The following RBM28 variants were observed in gnomAD, a reference collection of about 807,000 sequenced individuals.
RBM28 encodes the protein RNA-binding protein 28.
Under a neutral mutation model 98.3 loss-of-function variants are expected in RBM28, and 78 were observed. The observed-to-expected ratio is 0.79, with a 90% CI of 0.66 to 0.96. RBM28 has a LOEUF of 0.96. RBM28 is among the 40% of genes least tolerant of loss of function. The pLI is 0.00. For synonymous variants in RBM28, 306 were observed against 330.9 expected, an observed-to-expected ratio of 0.92 and a Z score of 0.82; for missense variants, 838 against 913.0, an observed-to-expected ratio of 0.92 and a Z score of 1.06.
At chr7:128,339,150 G>C in intron 3 of RBM28, 77 bp downstream of exon 3, 1 of 1,244,370 alleles carries the variant, frequency 8.0e-7, no homozygotes, top group Non-Finnish European at 1.2e-6. Flanking sequence ...CCATCTTGGT[G>C]AGGAGTTCTA....
chr7:128,318,886 G>T (rs771174585), intron 14 of RBM28, among the ~76,000 whole-genome samples: 7 of 152,174 alleles, frequency 4.6e-5, no homozygotes, highest in Non-Finnish European at 7.3e-5. Context: ...AAGGAGGAAG[G>T]CCTGATGGCT....
chr7:128,315,153 G>A, intron 16 of RBM28, 133 bp from the exon 17 acceptor site: 1 of 1,347,838 alleles, frequency 7.4e-7, no homozygotes, highest in East Asian at 2.3e-5. Flanking sequence ...GGAGACTAGA[G>A]GAAAGTGAAT....
At chr7:128,343,131 TACA>T (rs1222899619) in intron 1 of RBM28, among the ~76,000 whole-genome samples, 3 of 152,204 alleles carry the variant, frequency 2.0e-5, no homozygotes, top group Non-Finnish European at 4.4e-5. Context: ...CCCCAGGACC[TACA>T]ACACTTCCTG....
chr7:128,343,801 G>C lies in RBM28; in HGVS notation c.-8C>G. Reference sequence around the variant, plus strand: ...TAAGGTCAGGCCGGCCATGAGACCGGGAAACCCAAAGCGCGTGAGGACGCG... The same window carrying C: ...TAAGGTCAGGCCGGCCATGAGACCGCGAAACCCAAAGCGCGTGAGGACGCG... On this transcript the variant is annotated 5_prime_UTR_variant, in exon 1 of 19. Coordinates refer to ENST00000223073, the MANE Select transcript of RBM28 (RefSeq NM_018077.3). The C allele has an allele frequency of 6.3e-7, 1 of 1,584,360 alleles. No homozygotes were observed. The highest frequency in any genetic ancestry group is 8.6e-7 in the Non-Finnish European group (1 of 1,164,802).
chr7:128,315,351 C>T (rs1226056560), intron 16 of RBM28, among the ~76,000 whole-genome samples: 1 of 152,098 alleles, frequency 6.6e-6, no homozygotes, highest in African/African-American at 2.4e-5. Flanking sequence ...AAGCAAGCAA[C>T]AGAAAAGATA....
At chr7:128,329,121 C>T (rs776753577) in intron 10 of RBM28, among the ~76,000 whole-genome samples, 2 of 151,870 alleles carry the variant, frequency 1.3e-5, no homozygotes, top group African/African-American at 2.4e-5. Context: ...CTTTTTGAGA[C>T]GGAGTCTTGC....
chr7:128,311,220 T>C (rs1795977445), intron 18 of RBM28, among the ~76,000 whole-genome samples: 1 of 152,154 alleles, frequency 6.6e-6, no homozygotes, highest in Non-Finnish European at 1.5e-5. Flanking sequence ...CACTTTAGCC[T>C]CAAAGCAGAT....
intron 9 of RBM28, among the ~76,000 whole-genome samples, chr7:128,332,690 T>C (rs1391288951): frequency 6.6e-6 from 1 of 152,080 alleles, no homozygotes; most frequent in Non-Finnish European, 1.5e-5. Context: ...ATAAAATATA[T>C]AACTCTAAAA....
At chr7:128,316,903 C>T (rs1043416854) in intron 16 of RBM28, among the ~76,000 whole-genome samples, 1 of 152,096 alleles carries the variant, frequency 6.6e-6, no homozygotes, top group Non-Finnish European at 1.5e-5. Flanking sequence ...TGGTATATAC[C>T]ACAAAGACTA....
chr7:128,340,055 C>T (rs557623696), intron 1 of RBM28, among the ~76,000 whole-genome samples: 1 of 152,268 alleles, frequency 6.6e-6, no homozygotes, highest in Non-Finnish European at 1.5e-5. Flanking sequence ...CTTCTTCCCC[C>T]TTTCTTGATA....
chr7:128,317,529 T>TTACTTA, intron 16 of RBM28, 130 bp downstream of exon 16: 1 of 706,680 alleles, frequency 1.4e-6, no homozygotes, highest in South Asian at 1.6e-5. Context: ...CTTAGGGAAC[T>TTACTTA]GGGAGTAAAG....
chr7:128,341,333 C>A, intron 1 of RBM28: 1 of 382,640 alleles, frequency 2.6e-6, no homozygotes, highest in Non-Finnish European at 4.7e-6. Context: ...CCTTCATGAT[C>A]AGTACAACCA....
intron 1 of RBM28, 68 bp from the exon 2 acceptor site, chr7:128,339,859 G>A (rs1213257051): frequency 1.3e-6 from 2 of 1,517,628 alleles, no homozygotes; most frequent in East Asian, 2.3e-5. Flanking sequence ...TAAGCCAAGA[G>A]CACTAAATGA....
intron 1 of RBM28, chr7:128,341,362 T>C (rs747485512): frequency 6.2e-6 from 2 of 324,976 alleles, no homozygotes; most frequent in Non-Finnish European, 1.2e-5. Flanking sequence ...GCAGCTGAAA[T>C]GTAAAAGAGT....
rs1331939992 is a variant in RBM28, at chr7:128,335,581, G to C, written c.908C>G (p.Ala303Gly). 4 of 1,614,052 alleles carry C rather than the reference G, an allele frequency of 2.5e-6. No homozygotes were observed. Among genetic ancestry groups the C allele is most frequent in the Non-Finnish European group, 3.4e-6 (4 of 1,180,034 alleles). Reference sequence around the variant, plus strand: ...CTCCTCAGTGCTGGTATCACTCTGAGCCAGTTCCTCTCCATCATCAATACT... The same window carrying C: ...CTCCTCAGTGCTGGTATCACTCTGACCCAGTTCCTCTCCATCATCAATACT... The part of the protein sequence containing the change: ...SDSIDDGEEL[A>G]QSDTSTEEQE... The change falls in exon 8 of 19, where the codon GCT becomes GGT. Residue 303 changes from alanine (A) to glycine (G), a missense_variant. Coordinates refer to ENST00000223073, the MANE Select transcript of RBM28 (RefSeq NM_018077.3).
chr7:128,343,455 C>T (rs1389162762), intron 1 of RBM28, among the ~76,000 whole-genome samples: 2 of 152,290 alleles, frequency 1.3e-5, no homozygotes, highest in East Asian at 1.9e-4. Flanking sequence ...TTTTAGCGCG[C>T]ATAATCAACA....
Position 128,329,888 on chromosome 7 carries a change from C to CAAAAAAAA in RBM28, c.1129+923_1129+930dup, listed in dbSNP as rs398006204. The stretch of plus-strand genomic sequence containing the variant: ...TGGGCAACAGAGTGAGACTCCGTCT[C>CAAAAAAAA]AAAAAAAAAAAAAAAAAAAAAAAAA... On this transcript the variant is annotated intron_variant, in intron 10 of 18. Coordinates refer to ENST00000223073, the MANE Select transcript of RBM28 (RefSeq NM_018077.3). Among the ~76,000 whole-genome samples the CAAAAAAAA allele has an allele frequency of 2.7e-4, 27 of 101,622 alleles. 1 individual carries two copies. Among genetic ancestry groups the CAAAAAAAA allele is most frequent in the African/African-American group, 8.4e-4 (20 of 23,770 alleles). 66.7% of individuals were successfully genotyped at this position (101,622 alleles called of 152,430 possible). A position where few individuals can be genotyped will look rare whatever the true frequency, so the allele number is the denominator to read the frequency against.
chr7:128,333,273 G>T lies in RBM28; in HGVS notation c.1019+17C>A, dbSNP rs756234051. The T allele has an allele frequency of 3.1e-5, 48 of 1,560,094 alleles. No homozygotes were observed. The highest frequency in any genetic ancestry group is 3.8e-5 in the Non-Finnish European group (43 of 1,131,130). On this transcript the variant is annotated intron_variant, in intron 9 of 18. Coordinates refer to ENST00000223073, the MANE Select transcript of RBM28 (RefSeq NM_018077.3). ...TGAAGACCACGCAAAAGCAATTCTG[G>T]AGGCAGAAAGACATACCTGATAAAA... is the stretch of plus-strand genomic sequence containing the variant.
chr7:128,336,508 A>G (rs2116384420), intron 6 of RBM28, among the ~76,000 whole-genome samples: 1 of 152,320 alleles, frequency 6.6e-6, no homozygotes, highest in South Asian at 2.1e-4. Flanking sequence ...CCTATTATGC[A>G]CAGCCTGGAA....
Sources: gnomAD v4.1 joint callset for allele counts (sites outside exome capture counted in the v4.1 genomes callset) on GRCh38, gnomAD v4.1.1 for gene constraint, MANE v1.5 for transcripts, NCBI Gene and HGNC (gene_info 2026-07-23, HGNC 2026-07-21) for gene names.